The following ZNF254 variants were observed in gnomAD, a reference collection of about 807,000 sequenced individuals.
ZNF254 encodes the protein CTD-2017D11.1.
A neutral mutation model predicts 12.4 loss-of-function variants in ZNF254; 10 were observed. The ratio of observed to expected loss-of-function variants is 0.80; its 90% CI spans 0.50 to 1.36. The LOEUF (loss-of-function observed/expected upper bound fraction) is 1.36, where lower values mean the gene tolerates loss of function less well. Ranked by LOEUF, ZNF254 falls within the 40% of genes most tolerant of loss-of-function variation. The pLI, the probability that ZNF254 is intolerant of heterozygous loss-of-function variation, is 0.00. For synonymous variants in ZNF254, 305 were observed against 253.4 expected (o/e 1.20, Z -1.93); for missense variants, 996 against 763.9 (o/e 1.30, Z -3.58).
chr19:24,077,820 T>C (rs189839344), intron 2 of ZNF254, among the ~76,000 whole-genome samples: 50 of 152,052 alleles, frequency 3.3e-4, no homozygotes, highest in Non-Finnish European at 4.4e-4. Context: ...GGAAAGGAGG[T>C]GACAGGCAGG....
chr19:24,063,234 A>G (rs140868113), intron 2 of ZNF254, among the ~76,000 whole-genome samples: 230 of 152,342 alleles, frequency 1.5e-3, no homozygotes, highest in Admixed American at 2.7e-3. Context: ...ACATGAGTGT[A>G]ATTGTTAATG....
At chr19:24,121,693 G>A (rs908516732) in intron 3 of ZNF254, among the ~76,000 whole-genome samples, 2 of 152,024 alleles carry the variant, frequency 1.3e-5, no homozygotes, top group East Asian at 1.9e-4. Context: ...AATTAGCTGG[G>A]ATTACAGGCG....
chr19:24,049,184 TTATATATATATATA>T (rs1159690517), intron 2 of ZNF254, among the ~76,000 whole-genome samples: 4 of 63,172 alleles, frequency 6.3e-5, no homozygotes, highest in East Asian at 6.3e-4. Flanking sequence ...GGCTCTGGTT[TTATATATATATATA>T]TATATATATA....
intron 3 of ZNF254, among the ~76,000 whole-genome samples, chr19:24,110,466 C>T (rs899167478): frequency 2.6e-5 from 4 of 151,806 alleles, no homozygotes; most frequent in Admixed American, 2.6e-4. Flanking sequence ...ACTTGAGAGA[C>T]TGAGGGGCAG....
intron 3 of ZNF254, chr19:24,107,191 T>C: frequency 1.6e-6 from 1 of 640,022 alleles, no homozygotes; most frequent in Non-Finnish European, 2.8e-6. Context: ...ATTCAAAGTT[T>C]ATTGTAGTTT....
chr19:24,088,018 C>A (rs1236424082), intron 1 of ZNF254, among the ~76,000 whole-genome samples: 1 of 149,352 alleles, frequency 6.7e-6, no homozygotes, highest in Admixed American at 6.7e-5. Flanking sequence ...TGGGTTCAAG[C>A]GATTCTCCTG....
intron 3 of ZNF254, among the ~76,000 whole-genome samples, chr19:24,110,061 G>C (rs1208737703): frequency 6.6e-6 from 1 of 151,818 alleles, no homozygotes; most frequent in Non-Finnish European, 1.5e-5. Context: ...GTTTTATCTT[G>C]TCTAAGTGAG....
At chr19:24,079,033 C>T (rs569253786) in intron 2 of ZNF254, 143 of 152,232 alleles carry the variant, frequency 9.4e-4, no homozygotes, top group African/African-American at 3.3e-3. Flanking sequence ...CAGAAAGATA[C>T]AGGAAAAATT....
intron 2 of ZNF254, chr19:24,064,028 A>C (rs138843624): frequency 1.3e-5 from 2 of 152,290 alleles, no homozygotes; most frequent in East Asian, 3.9e-4. Context: ...TGGTGGGGCA[A>C]GCAAAACAGT....
intron 3 of ZNF254, among the ~76,000 whole-genome samples, chr19:24,109,113 C>T (rs1226800200): frequency 6.6e-6 from 1 of 152,188 alleles, no homozygotes; most frequent in African/African-American, 2.4e-5. Context: ...CAAAATCATG[C>T]CACTTTGCTT....
chr19:24,111,621 C>G (rs1222919447), intron 3 of ZNF254, among the ~76,000 whole-genome samples: 2 of 152,192 alleles, frequency 1.3e-5, no homozygotes, highest in African/African-American at 2.4e-5. Context: ...CCTGTTGTTT[C>G]CTGACTTTTT....
chr19:24,088,514 C>T (rs1817424903), intron 1 of ZNF254, among the ~76,000 whole-genome samples: 1 of 152,128 alleles, frequency 6.6e-6, no homozygotes, highest in South Asian at 2.1e-4. Flanking sequence ...TCCAGCCTAA[C>T]TCTGGCTTGC....
chr19:24,044,265 G>A (rs1393802477), intron 1 of ZNF254, among the ~76,000 whole-genome samples: 9 of 151,360 alleles, frequency 5.9e-5, no homozygotes, highest in African/African-American at 1.2e-4. Context: ...CAGGCTGGGC[G>A]CGGTGGCTCA....
chr19:24,053,539 C>T lies in ZNF254; in HGVS notation c.-94+7260C>T, dbSNP rs1389564523. Among the ~76,000 whole-genome samples the T allele has an allele frequency of 3.3e-5, 5 of 152,076 alleles. No individual in the cohort carries two copies. In the East Asian group the frequency reaches 9.7e-4, roughly 30 times the overall value. On this transcript the variant is annotated intron_variant, in intron 2 of 4. Coordinates refer to the ZNF254 transcript ENST00000613065. ...GTCTTAGTGCTTTCCACAGAGAACACTGGACATATCACAGGGCCTAGTGCC... is the reference window on the plus strand; with the variant it reads ...GTCTTAGTGCTTTCCACAGAGAACATTGGACATATCACAGGGCCTAGTGCC...
At chr19:24,106,524 A>G in intron 2 of ZNF254, 24 bp from the exon 3 acceptor site, 1 of 1,548,484 alleles carries the variant, frequency 6.5e-7, no homozygotes, top group Non-Finnish European at 8.8e-7. Context: ...AGCAAGATTC[A>G]TTTAGTTATT....
chr19:24,085,426 A>ATATATATATATATATATATATATATG (rs369443689), upstream of ZNF254, among the ~76,000 whole-genome samples: 1 of 105,668 alleles, frequency 9.5e-6, no homozygotes, highest in Admixed American at 1.1e-4. Flanking sequence ...ATATATATAT[A>ATATATATATATATATATATATATATG]AAAACTAAGA....
intron 1 of ZNF254, among the ~76,000 whole-genome samples, chr19:24,098,151 A>G (rs746905820): frequency 8.5e-5 from 13 of 152,350 alleles, no homozygotes; most frequent in South Asian, 2.1e-4. Context: ...AATTATTCAT[A>G]CTTACATATT....
In ZNF254 at chr19:24,126,682, C is replaced by T; in HGVS notation, c.682C>T (p.His228Tyr). The T allele has an allele frequency of 6.2e-7, 1 of 1,613,252 alleles. No individual in the cohort carries two copies. Among genetic ancestry groups the T allele is most frequent in the Non-Finnish European group, 8.5e-7 (1 of 1,179,714 alleles). The change falls in exon 4 of 4, where the codon CAT becomes TAT. Residue 228 changes from histidine to tyrosine, a missense_variant. His to Tyr is a moderately conservative substitution (Grantham distance 83, BLOSUM62 2). Transcript: ENST00000357002. The stretch of plus-strand genomic sequence containing the variant: ...TAATTGGTCCTCAACCCTTACTAAT[C>T]ATAGGAAAATTTATACTGAAGAGAA... ...TFNWSSTLTNHRKIYTEEKPY... is the reference protein window; with the variant it reads ...TFNWSSTLTNYRKIYTEEKPY...
chr19:24,101,844 G>A (rs1451463638), intron 1 of ZNF254, among the ~76,000 whole-genome samples: 2 of 152,160 alleles, frequency 1.3e-5, no homozygotes, highest in African/African-American at 2.4e-5. Flanking sequence ...GGGCAATTTT[G>A]CTTCTGTCTT....
Sources: allele counts gnomAD v4.1 joint callset (sites outside exome capture counted in the v4.1 genomes callset), GRCh38; gene constraint gnomAD v4.1.1; transcripts MANE v1.5; gene names NCBI Gene and HGNC (gene_info 2026-07-23, HGNC 2026-07-21).